Variants in FOXP1 observed in about 807,000 individuals in gnomAD.
The protein encoded by FOXP1 is forkhead box P1, also known as forkhead box protein P1.
In FOXP1, 15 loss-of-function variants were observed where a neutral mutation model predicts 98.2. The observed-to-expected ratio is 0.15, with a 90% CI of 0.10 to 0.24. The LOEUF (loss-of-function observed/expected upper bound fraction) is 0.24, where lower values mean the gene tolerates loss of function less well. FOXP1 is among the 10% of genes least tolerant of loss of function. FOXP1 has a pLI of 1.00. For synonymous variants in FOXP1, 371 were observed against 314.5 expected (o/e 1.18, Z -1.90); for missense variants, 633 against 848.5 (o/e 0.75, Z 3.15).
intron 5 of FOXP1, among the ~76,000 whole-genome samples, chr3:71,245,759 C>CT (rs2067689549): frequency 2.0e-5 from 3 of 152,006 alleles, no homozygotes; most frequent in Non-Finnish European, 4.4e-5. Flanking sequence ...AGGATGGTTA[C>CT]TTTTACATGA....
At chr3:71,566,423 C>G (rs1160364630) in intron 2 of FOXP1, among the ~76,000 whole-genome samples, 1 of 152,210 alleles carries the variant, frequency 6.6e-6, no homozygotes, top group African/African-American at 2.4e-5. Context: ...TACAGACAGA[C>G]TACGTAAACA....
At chr3:71,535,206 T>C (rs2044191924) in intron 2 of FOXP1, among the ~76,000 whole-genome samples, 1 of 152,184 alleles carries the variant, frequency 6.6e-6, no homozygotes, top group Non-Finnish European at 1.5e-5. Flanking sequence ...TACTGGTGAC[T>C]TCCAAGGCTC....
At chr3:71,341,083 T>C (rs536586114) in intron 4 of FOXP1, among the ~76,000 whole-genome samples, 46 of 152,022 alleles carry the variant, frequency 3.0e-4, no homozygotes, top group Non-Finnish European at 5.6e-4. Context: ...AGCAAGGAAA[T>C]AGAAGGCATG....
At chr3:71,153,769 C>T (rs1255350743) in intron 6 of FOXP1, among the ~76,000 whole-genome samples, 1 of 152,124 alleles carries the variant, frequency 6.6e-6, no homozygotes, top group Non-Finnish European at 1.5e-5. Flanking sequence ...GACAATCATA[C>T]CTGATGAGAT....
intron 12 of FOXP1, among the ~76,000 whole-genome samples, chr3:71,012,368 T>G (rs1435610834): frequency 1.3e-5 from 2 of 152,174 alleles, no homozygotes; most frequent in African/African-American, 4.8e-5. Flanking sequence ...AGTGAGTGAT[T>G]TCTAAACAAA....
chr3:71,183,177 C>T (rs750141359), intron 6 of FOXP1, among the ~76,000 whole-genome samples: 1 of 151,912 alleles, frequency 6.6e-6, no homozygotes, highest in African/African-American at 2.4e-5. Flanking sequence ...ATGATCATGG[C>T]GGTGGTGGTG....
chr3:71,329,387 A>C (rs559507220), intron 4 of FOXP1, among the ~76,000 whole-genome samples: 1 of 151,712 alleles, frequency 6.6e-6, no homozygotes, highest in Non-Finnish European at 1.5e-5. Context: ...AGGCTGGCTA[A>C]TTTTTTTGTA....
At chr3:71,017,099 AG>A (rs1438095841) in intron 11 of FOXP1, among the ~76,000 whole-genome samples, 1 of 152,208 alleles carries the variant, frequency 6.6e-6, no homozygotes, top group African/African-American at 2.4e-5. Flanking sequence ...GAATAAAACA[AG>A]GGAACTCAAG....
chr3:71,446,930 G>C (rs1187678459), intron 3 of FOXP1, among the ~76,000 whole-genome samples: 1 of 152,228 alleles, frequency 6.6e-6, no homozygotes, highest in Non-Finnish European at 1.5e-5. Flanking sequence ...GCCCATAGGG[G>C]CCAGGCAGTT....
chr3:71,355,000 G>T (rs2078054428), intron 4 of FOXP1, among the ~76,000 whole-genome samples: 1 of 152,180 alleles, frequency 6.6e-6, no homozygotes, highest in South Asian at 2.1e-4. Context: ...GGCTCAAGTG[G>T]CAAATGATTC....
At chr3:71,358,868 G>A (rs2078357000) in intron 4 of FOXP1, among the ~76,000 whole-genome samples, 1 of 152,108 alleles carries the variant, frequency 6.6e-6, no homozygotes. Flanking sequence ...TGGCTCATGA[G>A]GATGACAATA....
rs1321628899 is a variant in FOXP1 at position 70,955,815 on chromosome 3, AACAC to A, written c.*3428_*3431del. The stretch of plus-strand genomic sequence containing the variant: ...ATAGGAATGTATCAAAAAACAGATT[AACAC>A]ACACGCACGCGCGCACACACACACA... On this transcript the variant is annotated 3_prime_UTR_variant, in exon 21 of 21. Transcript: ENST00000649528. The A allele has an allele frequency of 4.4e-6, 1 of 226,618 alleles. No individual in the cohort carries two copies. The highest frequency in any genetic ancestry group is 8.5e-6 in the Non-Finnish European group (1 of 117,596). The allele number at this position is 226,618 out of a possible 1,614,324, so 14.0% of individuals were successfully genotyped here. A position where few individuals can be genotyped will look rare whatever the true frequency, so the allele number is the denominator to read the frequency against.
intron 12 of FOXP1, among the ~76,000 whole-genome samples, chr3:71,015,275 GT>G (rs1011570228): frequency 1.8e-4 from 27 of 151,906 alleles, no homozygotes; most frequent in Admixed American, 1.5e-3. Context: ...TACTGGAATC[GT>G]TTTTTTTAAT....
chr3:71,251,079 T>C (rs1196261843), intron 5 of FOXP1, among the ~76,000 whole-genome samples: 1 of 152,252 alleles, frequency 6.6e-6, no homozygotes, highest in African/African-American at 2.4e-5. Context: ...TATAATTGAG[T>C]AACTTGAAAG....
chr3:71,465,643 T>C (rs1382305692), intron 3 of FOXP1, among the ~76,000 whole-genome samples: 3 of 152,142 alleles, frequency 2.0e-5, no homozygotes, highest in Non-Finnish European at 2.9e-5. Flanking sequence ...TTTCACTCAT[T>C]GTTGTCTTAG....
chr3:71,191,635 T>G (rs2108340706), intron 6 of FOXP1, among the ~76,000 whole-genome samples: 1 of 152,312 alleles, frequency 6.6e-6, no homozygotes, highest in East Asian at 1.9e-4. Context: ...TACATAAATC[T>G]TTGACAACAA....
intron 3 of FOXP1, among the ~76,000 whole-genome samples, chr3:71,459,931 CT>C (rs545099441): frequency 3.5e-4 from 48 of 136,970 alleles, no homozygotes; most frequent in South Asian, 4.8e-4. Flanking sequence ...GCCCCATCTT[CT>C]TTTTTTTTTT....
chr3:71,365,852 G>A (rs180858721), intron 3 of FOXP1, among the ~76,000 whole-genome samples: 60 of 152,184 alleles, frequency 3.9e-4, no homozygotes, highest in Admixed American at 3.2e-3. Context: ...GCGTGGTGGC[G>A]TGTGCCTCTA....
chr3:71,281,317 G>A (rs180798359), intron 5 of FOXP1, among the ~76,000 whole-genome samples: 53 of 152,112 alleles, frequency 3.5e-4, no homozygotes, highest in African/African-American at 1.2e-3. Context: ...CCATGTGCGC[G>A]TGCACACACT....
Sources: gnomAD v4.1 joint callset for allele counts (sites outside exome capture counted in the v4.1 genomes callset) on GRCh38, gnomAD v4.1.1 for gene constraint, MANE v1.5 for transcripts, NCBI Gene and HGNC (gene_info 2026-07-23, HGNC 2026-07-21) for gene names.